Variants in MTFR1 observed in about 807,000 individuals in gnomAD.
MTFR1 encodes the protein mitochondrial fission regulator 1, also known as chondrocyte protein with a poly-proline region.
Under a neutral mutation model 38.8 loss-of-function variants are expected in MTFR1, and 28 were observed. The ratio of observed to expected loss-of-function variants is 0.72; its 90% CI spans 0.53 to 0.99. MTFR1 has a LOEUF of 0.99. MTFR1 is among the 50% of genes least tolerant of loss of function. MTFR1 has a pLI of 0.00. For missense variants in MTFR1, 358 were observed against 395.5 expected, an observed-to-expected ratio of 0.91 and a Z score of 0.81; for synonymous variants, 145 against 137.0, an observed-to-expected ratio of 1.06 and a Z score of -0.41.
chr8:65,736,814 G>A (rs1458273722), intron 3 of MTFR1, among the ~76,000 whole-genome samples: 1 of 140,768 alleles, frequency 7.1e-6, no homozygotes. Context: ...TTTTGCCAGA[G>A]TTCTAAGTAG....
intron 3 of MTFR1, among the ~76,000 whole-genome samples, chr8:65,755,171 C>A (rs762503366): frequency 6.6e-6 from 1 of 151,486 alleles, no homozygotes; most frequent in South Asian, 2.1e-4. Context: ...TAGGTGCATG[C>A]CACCACGCCC....
At chr8:65,645,770 C>T (rs1808949556) in intron 1 of MTFR1, among the ~76,000 whole-genome samples, 1 of 146,518 alleles carries the variant, frequency 6.8e-6, no homozygotes, top group African/African-American at 2.5e-5. Context: ...CTTAAGCGAT[C>T]CTCCCTCCTT....
intron 2 of MTFR1, among the ~76,000 whole-genome samples, chr8:65,671,523 G>C (rs1804567698): frequency 7.3e-6 from 1 of 137,428 alleles, no homozygotes; most frequent in Non-Finnish European, 1.5e-5. Context: ...CAATAGAATA[G>C]AGCAAGACCC....
chr8:65,699,572 C>A (rs76529368), intron 4 of MTFR1, among the ~76,000 whole-genome samples: 2,940 of 152,286 alleles, frequency 0.019, 28 homozygotes, highest in African/African-American at 0.028. Context: ...TCAGCTTTCC[C>A]ACAGAGCCTG....
intron 2 of MTFR1, chr8:65,718,921 A>C (rs1228302218): frequency 1.9e-5 from 5 of 267,000 alleles, no homozygotes; most frequent in Non-Finnish European, 2.9e-5. Context: ...TTGTTGCATC[A>C]GACTGGTTAA....
chr8:65,698,253 A>G (rs79086512), intron 4 of MTFR1, among the ~76,000 whole-genome samples: 2,281 of 149,680 alleles, frequency 0.015, 52 homozygotes, highest in African/African-American at 0.052. Context: ...GGCTCAAGCG[A>G]TCCTCTCACC....
intron 5 of MTFR1, among the ~76,000 whole-genome samples, chr8:65,706,284 A>T (rs549534959): frequency 6.6e-6 from 1 of 152,334 alleles, no homozygotes; most frequent in East Asian, 1.9e-4. Context: ...TTGAAGCTCT[A>T]TTTATAAGCT....
At chr8:65,704,011 A>G (rs1805702530) in intron 4 of MTFR1, among the ~76,000 whole-genome samples, 1 of 152,034 alleles carries the variant, frequency 6.6e-6, no homozygotes, top group African/African-American at 2.4e-5. Flanking sequence ...CCACGGAGTT[A>G]TACCAGCCTG....
At chr8:65,683,504 A>G (rs746392062) in intron 3 of MTFR1, among the ~76,000 whole-genome samples, 4 of 152,068 alleles carry the variant, frequency 2.6e-5, no homozygotes, top group Admixed American at 6.6e-5. Flanking sequence ...ATTCTTTACA[A>G]CCATAATGTA....
At position 65,704,713 on chromosome 8, in the gene MTFR1, C is replaced by T. The variant is rs1445242539; in HGVS notation, c.301C>T (p.Pro101Ser). ...TTGCAGGACAGAGGTCAGATCAAGG[C>T]CACCCCTTCAGGATGACCTTCTTTT... Reference protein sequence around the residue: ...ARLRTEVRSRPPLQDDLLFFE... With the variant: ...ARLRTEVRSRSPLQDDLLFFE... Residue 101 changes from proline to serine, a missense_variant, in exon 5 of 8, where the codon CCA (proline) becomes TCA (serine). Pro to Ser is a moderately conservative substitution (Grantham distance 74). Coordinates refer to ENST00000262146, the MANE Select transcript of MTFR1 (RefSeq NM_014637.4). 2.5e-6 allele frequency: 4 copies of T among 1,614,070 alleles called. No individual in the cohort carries two copies.
chr8:65,672,722 C>T (rs1585762919), intron 2 of MTFR1, among the ~76,000 whole-genome samples: 1 of 152,206 alleles, frequency 6.6e-6, no homozygotes, highest in South Asian at 2.1e-4. Context: ...CATGTTAGCA[C>T]TTGATGCTTC....
chr8:65,652,296 A>G (rs931310166), intron 1 of MTFR1, among the ~76,000 whole-genome samples: 1 of 152,074 alleles, frequency 6.6e-6, no homozygotes, highest in African/African-American at 2.4e-5. Flanking sequence ...TAGTACAAAA[A>G]TATAGGCTGG....
At chr8:65,777,119 G>A in the MTFR1 span, among the ~76,000 whole-genome samples, 1 of 52,912 alleles carries the variant, frequency 1.9e-5, no homozygotes, top group Non-Finnish European at 3.5e-5. Context: ...TTTTGTTCTT[G>A]TTGCCCAGAC....
chr8:65,714,983 T>A (rs906858409), downstream of MTFR1, among the ~76,000 whole-genome samples: 2 of 152,144 alleles, frequency 1.3e-5, no homozygotes, highest in African/African-American at 2.4e-5. Flanking sequence ...TTTTCTTTTT[T>A]AAAGTTAGGA....
At chr8:65,710,667 T>G (rs1201375819), downstream of MTFR1, 3 of 152,170 alleles carry the variant, frequency 2.0e-5, no homozygotes, top group Non-Finnish European at 4.4e-5. Flanking sequence ...TGGAATTATA[T>G]TCCTTAAAAT....
At chr8:65,677,125 G>T (rs1408511396) in intron 2 of MTFR1, among the ~76,000 whole-genome samples, 1 of 139,852 alleles carries the variant, frequency 7.2e-6, no homozygotes, top group African/African-American at 2.8e-5. Flanking sequence ...CCAGGATGGA[G>T]TGCAGTGGCG....
intron 3 of MTFR1, chr8:65,765,559 A>G (rs1040922328): frequency 6.6e-6 from 1 of 150,772 alleles, no homozygotes; most frequent in African/African-American, 2.4e-5. Flanking sequence ...CTGGAACATG[A>G]CTGTGTCCCA....
chr8:65,722,378 A>C (rs1028398722), intron 3 of MTFR1: 1 of 152,280 alleles, frequency 6.6e-6, no homozygotes, highest in Non-Finnish European at 1.5e-5. Flanking sequence ...TCACAATGTA[A>C]GAATTACGTT....
chr8:65,689,624 A>G, intron 3 of MTFR1: 3 of 1,265,934 alleles, frequency 2.4e-6, no homozygotes, highest in Non-Finnish European at 3.1e-6. Context: ...TCTTTCTCAA[A>G]CTTCCCATGC....
Sources: gnomAD v4.1 joint callset for allele counts (sites outside exome capture counted in the v4.1 genomes callset) on GRCh38, gnomAD v4.1.1 for gene constraint, MANE v1.5 for transcripts, NCBI Gene and HGNC (gene_info 2026-07-23, HGNC 2026-07-21) for gene names.